MEI4: variants seen among roughly 807,000 people sequenced by gnomAD.
The protein encoded by MEI4 is meiosis-specific protein MEI4.
Under a neutral mutation model 31.4 loss-of-function variants are expected in MEI4, and 27 were observed. That is an observed-to-expected ratio of 0.86 (90% CI 0.63 to 1.19). The LOEUF is 1.19. MEI4 is among the 50% of genes most tolerant of loss of function. The probability of loss-of-function intolerance (pLI) is 0.00; values close to 1 mark genes in which losing one functional copy is unlikely to be tolerated. For missense variants in MEI4, 329 were observed against 398.9 expected (o/e 0.82, Z 1.49); for synonymous variants, 122 against 145.4 (o/e 0.84, Z 1.16).
intron 1 of MEI4, among the ~76,000 whole-genome samples, chr6:77,657,952 C>T (rs1395362061): frequency 6.6e-6 from 1 of 152,206 alleles, no homozygotes; most frequent in Non-Finnish European, 1.5e-5. Context: ...AATGTATAGT[C>T]AGGTCCATGT....
rs1476459735 is a variant in MEI4, at chr6:77,925,877, T to G, written c.*2531T>G. On this transcript the variant is annotated 3_prime_UTR_variant, in exon 5 of 5. Coordinates refer to ENST00000684080, the MANE Select transcript of MEI4 (RefSeq NM_001322247.2). ...ATACATATATATACGATATGTATAA[T>G]AAATACCAAATAGCCAGGTACTTAC... 1 of 150,054 alleles carries G rather than the reference T, an allele frequency of 6.7e-6. No individual in the cohort carries two copies. The highest frequency in any genetic ancestry group is 1.5e-5 in the Non-Finnish European group (1 of 67,612). The allele number at this position is 150,054 out of a possible 1,614,324, so 9.3% of individuals were successfully genotyped here.
At chr6:77,791,732 C>G (rs1181573857) in intron 3 of MEI4, among the ~76,000 whole-genome samples, 3 of 151,076 alleles carry the variant, frequency 2.0e-5, no homozygotes, top group Non-Finnish European at 4.4e-5. Flanking sequence ...ATCAAGCTAA[C>G]TGACAGTGTT....
At chr6:77,869,674 G>A (rs914497149) in intron 4 of MEI4, among the ~76,000 whole-genome samples, 3 of 152,110 alleles carry the variant, frequency 2.0e-5, no homozygotes, top group African/African-American at 7.2e-5. Flanking sequence ...TGCTATAGTG[G>A]TCCTAGCAAA....
chr6:77,815,919 C>G (rs1187459208), intron 3 of MEI4, among the ~76,000 whole-genome samples: 1 of 151,224 alleles, frequency 6.6e-6, no homozygotes, highest in East Asian at 1.9e-4. Flanking sequence ...ACAACAAAAA[C>G]TTCTTTGCAG....
chr6:77,671,305 C>T (rs1034543291), intron 1 of MEI4, among the ~76,000 whole-genome samples: 14 of 152,156 alleles, frequency 9.2e-5, no homozygotes, highest in African/African-American at 3.1e-4. Context: ...GGTGATCTGC[C>T]TTCCCTGGCC....
chr6:77,831,715 A>C (rs1770087415), intron 4 of MEI4, among the ~76,000 whole-genome samples: 1 of 151,924 alleles, frequency 6.6e-6, no homozygotes, highest in Non-Finnish European at 1.5e-5. Flanking sequence ...GACATGGATC[A>C]TATTGAGGCA....
At chr6:77,807,510 C>G (rs1769469667) in intron 3 of MEI4, among the ~76,000 whole-genome samples, 1 of 152,108 alleles carries the variant, frequency 6.6e-6, no homozygotes, top group Non-Finnish European at 1.5e-5. Flanking sequence ...TTTATCTACC[C>G]TTGCTCCTTA....
intron 4 of MEI4, among the ~76,000 whole-genome samples, chr6:77,905,587 C>A (rs1766277776): frequency 6.8e-6 from 1 of 146,268 alleles, no homozygotes; most frequent in East Asian, 2.2e-4. Context: ...ACCTCCGCCT[C>A]CCAGGTTCAA....
At chr6:77,714,368 C>T (rs534408114) in intron 2 of MEI4, among the ~76,000 whole-genome samples, 2 of 152,168 alleles carry the variant, frequency 1.3e-5, no homozygotes, top group Admixed American at 1.3e-4. Context: ...ATGTCTGAAA[C>T]AATACTATCT....
intron 4 of MEI4, among the ~76,000 whole-genome samples, chr6:77,881,238 A>G (rs1771482114): frequency 6.6e-6 from 1 of 152,170 alleles, no homozygotes; most frequent in African/African-American, 2.4e-5. Flanking sequence ...GAAAGCATCT[A>G]AAACTTCCTA....
At chr6:77,891,338 C>T (rs1771762689) in intron 4 of MEI4, among the ~76,000 whole-genome samples, 1 of 152,008 alleles carries the variant, frequency 6.6e-6, no homozygotes, top group South Asian at 2.1e-4. Context: ...CTTTTTCTTT[C>T]TCCTTTTTTT....
At chr6:77,843,417 T>C (rs1355006888) in intron 4 of MEI4, among the ~76,000 whole-genome samples, 1 of 152,134 alleles carries the variant, frequency 6.6e-6, no homozygotes, top group Non-Finnish European at 1.5e-5. Context: ...TGGCAAAATA[T>C]TCTCTATTAA....
chr6:77,796,810 G>A (rs755128487), intron 3 of MEI4, among the ~76,000 whole-genome samples: 1 of 152,120 alleles, frequency 6.6e-6, no homozygotes, highest in Non-Finnish European at 1.5e-5. Context: ...AATTCCAAAG[G>A]TGCCTTTCAC....
Position 77,657,997 on chromosome 6 carries a change from T to C in MEI4, c.-15+4905T>C, listed in dbSNP as rs1286871468. Among the ~76,000 whole-genome samples, 3 of 152,204 alleles carry C rather than the reference T, an allele frequency of 2.0e-5. No individual in the cohort carries two copies. The East Asian group carries it at 5.8e-4, about 29-fold the overall frequency. On this transcript the variant is annotated intron_variant, in intron 1 of 4. Coordinates refer to ENST00000684080, the MANE Select transcript of MEI4 (RefSeq NM_001322247.2). ...GGATTTGGAGGCGTGAGCCTGGGAT[T>C]GAATCATGGCTGTATAGTAGTTTTC...
chr6:77,898,881 G>A (rs1375259400), intron 4 of MEI4, among the ~76,000 whole-genome samples: 2 of 151,934 alleles, frequency 1.3e-5, no homozygotes, highest in African/African-American at 4.8e-5. Flanking sequence ...TAAGGGACCT[G>A]AAGATTTCCT....
At chr6:77,730,038 C>T (rs1766932329) in intron 2 of MEI4, among the ~76,000 whole-genome samples, 1 of 151,950 alleles carries the variant, frequency 6.6e-6, no homozygotes, top group Non-Finnish European at 1.5e-5. Context: ...GTAGTGTCTT[C>T]AGTGTCTTGG....
At chr6:77,671,065 T>TG (rs1276441101) in intron 1 of MEI4, among the ~76,000 whole-genome samples, 2 of 148,370 alleles carry the variant, frequency 1.3e-5, no homozygotes, top group Non-Finnish European at 3.0e-5. Context: ...TTTTTTTTTT[T>TG]TTTTTTTTTT....
intron 3 of MEI4, among the ~76,000 whole-genome samples, chr6:77,798,750 T>A (rs1290427728): frequency 6.6e-6 from 1 of 151,200 alleles, no homozygotes; most frequent in Non-Finnish European, 1.5e-5. Flanking sequence ...GTGTTTGGTT[T>A]TTTGTTCTCG....
At chr6:77,861,805 G>A (rs554301889) in intron 4 of MEI4, among the ~76,000 whole-genome samples, 1 of 152,132 alleles carries the variant, frequency 6.6e-6, no homozygotes, top group Admixed American at 6.6e-5. Flanking sequence ...CATATGAAGT[G>A]CTTAGTCCAG....
Sources: allele counts gnomAD v4.1 joint callset (sites outside exome capture counted in the v4.1 genomes callset), GRCh38; gene constraint gnomAD v4.1.1; transcripts MANE v1.5; gene names NCBI Gene and HGNC (gene_info 2026-07-23, HGNC 2026-07-21).